RARB: variants seen among roughly 807,000 people sequenced by gnomAD.
The protein encoded by RARB is retinoic acid receptor beta.
Under a neutral mutation model 51.9 loss-of-function variants are expected in RARB, and 17 were observed. That is an observed-to-expected ratio of 0.33 (90% CI 0.22 to 0.49). The LOEUF (loss-of-function observed/expected upper bound fraction) is 0.49, where lower values mean the gene tolerates loss of function less well. Among genes scored for constraint, RARB ranks in the 20% least tolerant of loss-of-function variants. The pLI is 0.99. For missense variants in RARB, 369 were observed against 550.8 expected, an observed-to-expected ratio of 0.67 and a Z score of 3.30; for synonymous variants, 215 against 195.4, an observed-to-expected ratio of 1.10 and a Z score of -0.84.
chr3:25,063,274 C>T (rs532298541), intron 3 of RARB, among the ~76,000 whole-genome samples: 2 of 152,102 alleles, frequency 1.3e-5, no homozygotes, highest in South Asian at 4.1e-4. Flanking sequence ...CAATTTTGCT[C>T]TAAAACTTCT....
At chr3:25,336,153 A>G (rs1218074617) in intron 5 of RARB, among the ~76,000 whole-genome samples, 3 of 152,148 alleles carry the variant, frequency 2.0e-5, no homozygotes, top group Admixed American at 6.5e-5. Flanking sequence ...GATCTTATCT[A>G]TGTAAGAAGA....
chr3:25,027,941 C>T (rs1697785813), intron 2 of RARB, among the ~76,000 whole-genome samples: 1 of 150,128 alleles, frequency 6.7e-6, no homozygotes, highest in Non-Finnish European at 1.5e-5. Flanking sequence ...TTAAGACCTT[C>T]TCTGAAATAA....
intron 5 of RARB, among the ~76,000 whole-genome samples, chr3:25,226,560 A>G (rs1029829464): frequency 6.6e-6 from 1 of 152,176 alleles, no homozygotes; most frequent in Non-Finnish European, 1.5e-5. Flanking sequence ...GTCTTAATAT[A>G]ATCTATACCA....
At chr3:25,110,607 A>G (rs953893393) in intron 3 of RARB, among the ~76,000 whole-genome samples, 2 of 152,230 alleles carry the variant, frequency 1.3e-5, no homozygotes, top group African/African-American at 2.4e-5. Flanking sequence ...CAATAACTTT[A>G]GTTTAGTCCT....
At chr3:24,947,879 A>G (rs1207520983) in intron 2 of RARB, among the ~76,000 whole-genome samples, 1 of 152,084 alleles carries the variant, frequency 6.6e-6, no homozygotes, top group Non-Finnish European at 1.5e-5. Flanking sequence ...TCTGTAAAAT[A>G]TGTACCTCAG....
chr3:25,008,445 A>G (rs1330208006), intron 2 of RARB, among the ~76,000 whole-genome samples: 1 of 152,146 alleles, frequency 6.6e-6, no homozygotes, highest in Non-Finnish European at 1.5e-5. Flanking sequence ...AGTACAGTTC[A>G]GTCTTGTGAG....
chr3:25,385,122 AGT>A (rs1706754691), intron 5 of RARB, among the ~76,000 whole-genome samples: 1 of 152,168 alleles, frequency 6.6e-6, no homozygotes, highest in African/African-American at 2.4e-5. Context: ...TTAGCCCTGT[AGT>A]TTGCAATGCA....
rs1470286526 is a variant in RARB, at chr3:25,460,542, G to A, written c.158-651G>A. On this transcript the variant is annotated intron_variant, in intron 1 of 7. Transcript: ENST00000330688. The stretch of plus-strand genomic sequence containing the variant: ...AGCTCACTGCAACCTCTGCCTCCTG[G>A]GTTCAAGCGATTCTCCTGCCTCAGC... 2.0e-5 allele frequency among the ~76,000 whole-genome samples: 3 copies of A among 151,742 alleles called. No individual in the cohort carries two copies. In the South Asian group the frequency reaches 6.3e-4, roughly 32 times the overall value.
chr3:25,459,294 T>G (rs1269345182), intron 1 of RARB, among the ~76,000 whole-genome samples: 1 of 152,180 alleles, frequency 6.6e-6, no homozygotes, highest in Non-Finnish European at 1.5e-5. Flanking sequence ...CAAATAGTTA[T>G]CACAATAGCC....
chr3:25,179,130 G>A (rs1288077960), intron 5 of RARB, among the ~76,000 whole-genome samples: 3 of 152,116 alleles, frequency 2.0e-5, no homozygotes, highest in African/African-American at 7.2e-5. Context: ...TGGAGAGACA[G>A]GCTGTGCAAT....
chr3:25,147,763 T>A (rs1464985276), intron 4 of RARB, among the ~76,000 whole-genome samples: 1 of 152,224 alleles, frequency 6.6e-6, no homozygotes, highest in African/African-American at 2.4e-5. Flanking sequence ...TGTTGCAGTT[T>A]CCATTGCAAA....
At chr3:25,145,606 A>C (rs6774463) in intron 4 of RARB, among the ~76,000 whole-genome samples, 5,306 of 152,292 alleles carry the variant, frequency 0.035, 190 homozygotes, top group African/African-American at 0.094. Context: ...ATTAGGCACA[A>C]GGGAAAAGGC....
In RARB at chr3:25,593,824, T is replaced by A. The variant is rs78707917; in HGVS notation, c.991+117T>A. ...TGTTTTACATGGGAAAACATGTGAA[T>A]AAAGCCAGGCATACATGCCTGGTTT... On this transcript the variant is annotated intron_variant, in intron 6 of 7. Coordinates refer to ENST00000330688, the MANE Select transcript of RARB (RefSeq NM_000965.5). 3.2e-3 allele frequency: 3,130 copies of A among 974,788 alleles called. 64 individuals are homozygous for A. In the African/African-American group the frequency reaches 0.042, roughly 13 times the overall value. 60.4% of individuals were successfully genotyped at this position (974,788 alleles called of 1,614,324 possible).
intron 3 of RARB, among the ~76,000 whole-genome samples, chr3:25,566,813 G>T (rs1700512816): frequency 6.6e-6 from 1 of 152,190 alleles, no homozygotes; most frequent in Non-Finnish European, 1.5e-5. Context: ...TCCTTCTGTG[G>T]GTTGTTAGTT....
At chr3:24,892,221 A>G (rs1053755442) in intron 2 of RARB, among the ~76,000 whole-genome samples, 5 of 42,838 alleles carry the variant, frequency 1.2e-4, no homozygotes, top group South Asian at 8.8e-4. Context: ...GCCCTCTTAG[A>G]AAAAAAAAAA....
At chr3:24,961,605 C>T (rs968351028) in intron 2 of RARB, among the ~76,000 whole-genome samples, 1 of 151,766 alleles carries the variant, frequency 6.6e-6, no homozygotes, top group Non-Finnish European at 1.5e-5. Flanking sequence ...ATTCAGCGAA[C>T]CTTGCCACAC....
At chr3:25,375,697 G>T (rs1398835406) in intron 5 of RARB, among the ~76,000 whole-genome samples, 1 of 152,160 alleles carries the variant, frequency 6.6e-6, no homozygotes, top group Admixed American at 6.5e-5. Flanking sequence ...TTAGTTGAGA[G>T]AATCTCTACA....
chr3:24,959,682 G>T (rs975085716), intron 2 of RARB, among the ~76,000 whole-genome samples: 2 of 152,164 alleles, frequency 1.3e-5, no homozygotes, highest in Non-Finnish European at 2.9e-5. Context: ...CCTATCACAT[G>T]TGGCTGAGAT....
At chr3:25,101,382 A>G (rs1699397617) in intron 3 of RARB, among the ~76,000 whole-genome samples, 1 of 152,202 alleles carries the variant, frequency 6.6e-6, no homozygotes. Context: ...CCCATGCTCA[A>G]CATAAGCACC....
Sources: gnomAD v4.1 joint callset for allele counts (sites outside exome capture counted in the v4.1 genomes callset) on GRCh38, gnomAD v4.1.1 for gene constraint, MANE v1.5 for transcripts, NCBI Gene and HGNC (gene_info 2026-07-23, HGNC 2026-07-21) for gene names.